The following CDKAL1 variants were observed in gnomAD, a reference collection of about 807,000 sequenced individuals.
CDKAL1 encodes CDKAL1 threonylcarbamoyladenosine tRNA methylthiotransferase, also known as threonylcarbamoyladenosine tRNA methylthiotransferase.
CDKAL1 carries 32 observed loss-of-function variants against 68.2 expected under a neutral mutation model. The ratio of observed to expected loss-of-function variants is 0.47; its 90% confidence interval spans 0.35 to 0.63. CDKAL1 has a LOEUF of 0.63. CDKAL1 is among the 30% of genes least tolerant of loss of function. The pLI, the probability that CDKAL1 is intolerant of heterozygous loss-of-function variation, is 0.00. For synonymous variants in CDKAL1, 234 were observed against 244.3 expected (o/e 0.96, Z 0.39); for missense variants, 606 against 696.7 (o/e 0.87, Z 1.47).
At chr6:20,924,365 C>G (rs1299251594) in intron 9 of CDKAL1, among the ~76,000 whole-genome samples, 1 of 151,080 alleles carries the variant, frequency 6.6e-6, no homozygotes, top group African/African-American at 2.4e-5. Context: ...GACCCTGTCT[C>G]TAGAAATGAT....
chr6:20,807,937 A>G (rs1280754783), intron 8 of CDKAL1, among the ~76,000 whole-genome samples: 4 of 152,376 alleles, frequency 2.6e-5, no homozygotes, highest in African/African-American at 7.2e-5. Context: ...CCTAATCTTC[A>G]TTGGGATTGA....
intron 4 of CDKAL1, among the ~76,000 whole-genome samples, chr6:20,612,752 C>T (rs1379837552): frequency 1.3e-5 from 2 of 151,974 alleles, no homozygotes; most frequent in Admixed American, 1.3e-4. Context: ...TGATGTAAAA[C>T]CATTTGTCTA....
At chr6:20,799,540 C>T (rs1201956789) in intron 8 of CDKAL1, among the ~76,000 whole-genome samples, 2 of 152,024 alleles carry the variant, frequency 1.3e-5, no homozygotes, top group South Asian at 2.1e-4. Context: ...AGGATTATGT[C>T]GTGATTTGAC....
intron 4 of CDKAL1, among the ~76,000 whole-genome samples, chr6:20,594,305 G>A (rs1370000429): frequency 6.6e-6 from 1 of 152,190 alleles, no homozygotes; most frequent in Admixed American, 6.5e-5. Flanking sequence ...TATTGTGTGA[G>A]AGTGTAAATC....
intron 11 of CDKAL1, among the ~76,000 whole-genome samples, chr6:21,008,275 G>A (rs1767835791): frequency 6.6e-6 from 1 of 152,118 alleles, no homozygotes; most frequent in African/African-American, 2.4e-5. Flanking sequence ...AGTAGTAGAT[G>A]AAGTTATAGG....
chr6:20,633,987 T>C (rs1342801004), intron 4 of CDKAL1, among the ~76,000 whole-genome samples: 1 of 152,224 alleles, frequency 6.6e-6, no homozygotes, highest in Admixed American at 6.5e-5. Context: ...TTGGAGATAA[T>C]ATTCTGCAGA....
intron 4 of CDKAL1, among the ~76,000 whole-genome samples, chr6:20,619,714 A>G (rs1417287574): frequency 2.0e-5 from 3 of 152,174 alleles, no homozygotes; most frequent in African/African-American, 2.4e-5. Flanking sequence ...CCTTGCTACA[A>G]CCTGCTGAAT....
intron 4 of CDKAL1, among the ~76,000 whole-genome samples, chr6:20,612,453 G>A (rs1184569691): frequency 6.6e-6 from 1 of 151,454 alleles, no homozygotes; most frequent in Non-Finnish European, 1.5e-5. Flanking sequence ...ATTCTAACTG[G>A]GGTGAGATGA....
At chr6:20,573,141 A>G (rs1199806485) in intron 4 of CDKAL1, among the ~76,000 whole-genome samples, 1 of 152,062 alleles carries the variant, frequency 6.6e-6, no homozygotes, top group African/African-American at 2.4e-5. Context: ...ATTGTTACAC[A>G]TTTCCTGTTT....
At chr6:21,057,950 A>T (rs760744485) in intron 11 of CDKAL1, among the ~76,000 whole-genome samples, 4 of 152,238 alleles carry the variant, frequency 2.6e-5, no homozygotes, top group African/African-American at 7.2e-5. Flanking sequence ...TAAATTTTAG[A>T]GTAAGTGCCA....
intron 10 of CDKAL1, among the ~76,000 whole-genome samples, chr6:20,980,486 C>T (rs1157731363): frequency 6.6e-6 from 1 of 152,196 alleles, no homozygotes; most frequent in Non-Finnish European, 1.5e-5. Context: ...ATCCGCCCGC[C>T]TCAGCCTCCC....
At chr6:21,073,330 G>C (rs923038540) in intron 12 of CDKAL1, among the ~76,000 whole-genome samples, 2 of 152,116 alleles carry the variant, frequency 1.3e-5, no homozygotes, top group African/African-American at 2.4e-5. Flanking sequence ...AGCTCATTTG[G>C]ATAAATACCA....
In CDKAL1 at chr6:21,111,722, GTTGC is replaced by G. The variant is rs540255696; in HGVS notation, c.1299+3263_1299+3266del. Among the ~76,000 whole-genome samples the G allele has an allele frequency of 3.9e-4, 59 of 152,316 alleles. 1 individual carries two copies. The highest frequency in any genetic ancestry group is 1.4e-3 in the African/African-American group (57 of 41,564). On this transcript the variant is annotated intron_variant, in intron 13 of 15. Coordinates refer to ENST00000274695, the MANE Select transcript of CDKAL1 (RefSeq NM_017774.3). Reference sequence around the variant, plus strand: ...TACTTTATTTCTTGCACTAAGAAATGTTGCTTGAGACTAGAAGAATTTCATTTTT... The same window carrying G: ...TACTTTATTTCTTGCACTAAGAAATGTTGAGACTAGAAGAATTTCATTTTT...
At chr6:21,127,461 G>A (rs1775073926) in intron 13 of CDKAL1, among the ~76,000 whole-genome samples, 1 of 152,104 alleles carries the variant, frequency 6.6e-6, no homozygotes, top group African/African-American at 2.4e-5. Context: ...TATAAACAAT[G>A]TAAAAAGGCC....
chr6:21,129,682 C>CAAA (rs34802727), intron 13 of CDKAL1, among the ~76,000 whole-genome samples: 1,923 of 68,322 alleles, frequency 0.028, 21 homozygotes, highest in East Asian at 0.083. Flanking sequence ...TGCAGTTTAC[C>CAAA]AAAAAAAAAA....
intron 13 of CDKAL1, among the ~76,000 whole-genome samples, chr6:21,129,472 T>C (rs1775178539): frequency 6.6e-6 from 1 of 151,994 alleles, no homozygotes; most frequent in Non-Finnish European, 1.5e-5. Flanking sequence ...AAAAAGCCTA[T>C]GGTAAGAAGG....
At chr6:20,989,471 T>C in intron 10 of CDKAL1, among the ~76,000 whole-genome samples, 1 of 152,190 alleles carries the variant, frequency 6.6e-6, no homozygotes, top group Admixed American at 6.5e-5. Flanking sequence ...GATAATCAGG[T>C]CATAGATAAA....
chr6:20,717,293 C>G (rs1253982354), intron 5 of CDKAL1, among the ~76,000 whole-genome samples: 1 of 151,672 alleles, frequency 6.6e-6, no homozygotes, highest in Admixed American at 6.6e-5. Flanking sequence ...ATTTTTAATA[C>G]AAAATACATG....
At chr6:20,934,768 C>A (rs970762803) in intron 9 of CDKAL1, among the ~76,000 whole-genome samples, 31 of 152,104 alleles carry the variant, frequency 2.0e-4, no homozygotes, top group African/African-American at 6.8e-4. Context: ...GATACTTGAG[C>A]CTGGGAGGTC....
Sources: gnomAD v4.1 joint callset for allele counts (sites outside exome capture counted in the v4.1 genomes callset) on GRCh38, gnomAD v4.1.1 for gene constraint, MANE v1.5 for transcripts, NCBI Gene and HGNC (gene_info 2026-07-23, HGNC 2026-07-21) for gene names.